RPS6KC1: variants seen among roughly 807,000 people sequenced by gnomAD.
The protein encoded by RPS6KC1 is inactive ribosomal protein S6 kinase delta-1.
Under a neutral mutation model 103.8 loss-of-function variants are expected in RPS6KC1, and 54 were observed. That is an observed-to-expected ratio of 0.52 (90% CI 0.42 to 0.65). RPS6KC1 has a LOEUF of 0.65. Among genes scored for constraint, RPS6KC1 ranks in the 30% least tolerant of loss-of-function variants. The pLI, the probability that RPS6KC1 is intolerant of heterozygous loss-of-function variation, is 0.00. For missense variants in RPS6KC1, 1,151 were observed against 1,253.8 expected (o/e 0.92, Z 1.24); for synonymous variants, 439 against 438.7 (o/e 1.00, Z -0.01).
chr1:213,719,834 A>G, the RPS6KC1 span, among the ~76,000 whole-genome samples: 1 of 152,218 alleles, frequency 6.6e-6, no homozygotes, highest in Non-Finnish European at 1.5e-5. Flanking sequence ...TGTTGGTGAT[A>G]GGGAGGAGAG....
chr1:213,142,025 A>G (rs1189472771), intron 6 of RPS6KC1, among the ~76,000 whole-genome samples: 1 of 152,022 alleles, frequency 6.6e-6, no homozygotes, highest in African/African-American at 2.4e-5. Context: ...ATAGGTCTCT[A>G]TGAACTTGTT....
At position 213,211,802 on chromosome 1, in the gene RPS6KC1, G is replaced by T. The variant is rs114964562; in HGVS notation, c.1045-18695G>T. 5.6e-3 allele frequency among the ~76,000 whole-genome samples: 852 copies of T among 152,244 alleles called. 10 individuals carry two copies. Among genetic ancestry groups the T allele is most frequent in the African/African-American group, 0.017 (717 of 41,528 alleles). On this transcript the variant is annotated intron_variant, in intron 8 of 14. Transcript: ENST00000366960. Reference sequence around the variant, plus strand: ...TAGTTTATTTATTGGAGAATGACCTGGATTTTGCATCACTTTAGTGCAGGA... The same window carrying T: ...TAGTTTATTTATTGGAGAATGACCTTGATTTTGCATCACTTTAGTGCAGGA...
At chr1:213,126,995 AT>A (rs1320068262) in intron 5 of RPS6KC1, among the ~76,000 whole-genome samples, 5 of 151,550 alleles carry the variant, frequency 3.3e-5, no homozygotes, top group African/African-American at 9.7e-5. Context: ...TTTCTTTTTA[AT>A]TTTTTTTTCC....
chr1:213,132,945 T>A (rs551078101), intron 6 of RPS6KC1, among the ~76,000 whole-genome samples: 32 of 152,200 alleles, frequency 2.1e-4, no homozygotes, highest in Non-Finnish European at 4.7e-4. Flanking sequence ...TGGCTTGATG[T>A]TTTTCTTATT....
the RPS6KC1 span, among the ~76,000 whole-genome samples, chr1:213,791,076 C>G: frequency 2.9e-5 from 3 of 103,476 alleles, no homozygotes. Context: ...ATATAAGAAT[C>G]TGGGTAGGAC....
chr1:213,268,137 A>G (rs968514483), intron 14 of RPS6KC1, among the ~76,000 whole-genome samples: 2 of 152,056 alleles, frequency 1.3e-5, no homozygotes, highest in Non-Finnish European at 2.9e-5. Flanking sequence ...AGACATATCC[A>G]CACTTAACCA....
the RPS6KC1 span, among the ~76,000 whole-genome samples, chr1:213,862,356 G>A: frequency 6.6e-6 from 1 of 152,278 alleles, no homozygotes; most frequent in South Asian, 2.1e-4. Context: ...ATGGTCCGGA[G>A]GGTCACATTG....
the RPS6KC1 span, among the ~76,000 whole-genome samples, chr1:213,357,680 A>C: frequency 6.6e-6 from 1 of 152,190 alleles, no homozygotes; most frequent in Non-Finnish European, 1.5e-5. Context: ...AGACCAAAGA[A>C]AGTGCCATTC....
chr1:213,631,378 C>T, the RPS6KC1 span, among the ~76,000 whole-genome samples: 17 of 137,066 alleles, frequency 1.2e-4, no homozygotes, highest in Non-Finnish European at 9.4e-5. Context: ...CTTTCTATGC[C>T]AAAAAAAAAA....
the RPS6KC1 span, among the ~76,000 whole-genome samples, chr1:213,678,253 A>G: frequency 0.015 from 2,333 of 152,314 alleles, 57 homozygotes; most frequent in East Asian, 0.11. Flanking sequence ...AAATAACTTA[A>G]CATCTTTACA....
chr1:213,808,214 CTCAGGGG>C, the RPS6KC1 span, among the ~76,000 whole-genome samples: 3 of 152,172 alleles, frequency 2.0e-5, no homozygotes, highest in Non-Finnish European at 4.4e-5. Context: ...AGTTAGGCTG[CTCAGGGG>C]TCAGGGGTCA....
intron 8 of RPS6KC1, among the ~76,000 whole-genome samples, chr1:213,181,440 A>G (rs1362530235): frequency 6.6e-6 from 1 of 152,254 alleles, no homozygotes; most frequent in Non-Finnish European, 1.5e-5. Context: ...TTGACTTGCC[A>G]TTGGAAAAAT....
the RPS6KC1 span, among the ~76,000 whole-genome samples, chr1:213,444,832 C>A: frequency 1.3e-5 from 2 of 151,322 alleles, no homozygotes; most frequent in East Asian, 3.9e-4. Context: ...ATACCTATTT[C>A]TTTTTAAACT....
At chr1:213,132,869 T>C (rs2085805707) in intron 6 of RPS6KC1, among the ~76,000 whole-genome samples, 1 of 152,188 alleles carries the variant, frequency 6.6e-6, no homozygotes, top group African/African-American at 2.4e-5. Context: ...GCAAATTTTG[T>C]TATTTTGTTA....
chr1:213,168,179 C>A (rs2091163767), intron 7 of RPS6KC1, among the ~76,000 whole-genome samples: 1 of 152,078 alleles, frequency 6.6e-6, no homozygotes. Context: ...TTTTCTTGGT[C>A]TTTTATTAGT....
intron 6 of RPS6KC1, among the ~76,000 whole-genome samples, chr1:213,150,045 G>A (rs954158625): frequency 1.3e-5 from 2 of 152,080 alleles, no homozygotes; most frequent in African/African-American, 2.4e-5. Flanking sequence ...CTTTATAGGT[G>A]AAGTGTGTTT....
At chr1:213,513,018 A>G in the RPS6KC1 span, among the ~76,000 whole-genome samples, 1 of 152,204 alleles carries the variant, frequency 6.6e-6, no homozygotes, top group African/African-American at 2.4e-5. Flanking sequence ...TAAATACGTT[A>G]TGTTACATGG....
At chr1:213,657,762 C>T in the RPS6KC1 span, among the ~76,000 whole-genome samples, 2 of 152,218 alleles carry the variant, frequency 1.3e-5, no homozygotes, top group African/African-American at 2.4e-5. Context: ...TTTTGCTGCT[C>T]TTACAACACT....
At chr1:213,132,191 A>G (rs1382642778) in intron 6 of RPS6KC1, among the ~76,000 whole-genome samples, 3 of 152,224 alleles carry the variant, frequency 2.0e-5, no homozygotes, top group African/African-American at 4.8e-5. Flanking sequence ...CTTAAGGAAC[A>G]TTACCATTTA....
Sources: gnomAD v4.1 joint callset for allele counts (sites outside exome capture counted in the v4.1 genomes callset) on GRCh38, gnomAD v4.1.1 for gene constraint, MANE v1.5 for transcripts, NCBI Gene and HGNC (gene_info 2026-07-23, HGNC 2026-07-21) for gene names.